IRAK2: variants seen among roughly 807,000 people sequenced by gnomAD.
The protein encoded by IRAK2 is interleukin 1 receptor associated kinase 2.
A neutral mutation model predicts 72.0 loss-of-function variants in IRAK2; 57 were observed. The observed-to-expected ratio is 0.79, with a 90% CI of 0.64 to 0.99. The LOEUF (loss-of-function observed/expected upper bound fraction) is 0.99. IRAK2 is among the 50% of genes least tolerant of loss of function. The pLI, the probability that IRAK2 is intolerant of heterozygous loss-of-function variation, is 0.00. For missense variants in IRAK2, 790 were observed against 794.4 expected (o/e 0.99, Z 0.07); for synonymous variants, 293 against 312.7 (o/e 0.94, Z 0.67).
chr3:10,169,129 G>A (rs895770229), intron 1 of IRAK2, among the ~76,000 whole-genome samples: 6 of 152,292 alleles, frequency 3.9e-5, no homozygotes, highest in Admixed American at 2.0e-4. Context: ...TTTCAAAAGG[G>A]GAGGGGTGTA....
At chr3:10,207,666 T>C (rs1697452089) in intron 3 of IRAK2, among the ~76,000 whole-genome samples, 1 of 152,116 alleles carries the variant, frequency 6.6e-6, no homozygotes, top group African/African-American at 2.4e-5. Flanking sequence ...AAACATTCCG[T>C]CTTGTGAATC....
intron 2 of IRAK2, among the ~76,000 whole-genome samples, chr3:10,187,998 G>A (rs995649524): frequency 6.6e-6 from 1 of 152,186 alleles, no homozygotes. Context: ...AGATGACCAG[G>A]CTTAGGAGGG....
intron 1 of IRAK2, among the ~76,000 whole-genome samples, chr3:10,167,816 T>C (rs1446845651): frequency 6.6e-6 from 1 of 152,200 alleles, no homozygotes; most frequent in Non-Finnish European, 1.5e-5. Flanking sequence ...TTTGGGCCAT[T>C]GTGAATAGTG....
At chr3:10,219,880 C>T (rs2125158788) in intron 8 of IRAK2, 91 bp downstream of exon 8, 1 of 800,992 alleles carries the variant, frequency 1.2e-6, no homozygotes, top group East Asian at 2.6e-5. Flanking sequence ...CCGCCACTCA[C>T]CCCTGTCCTC....
At chr3:10,218,638 T>C (rs1232078061) in intron 7 of IRAK2, among the ~76,000 whole-genome samples, 1 of 152,040 alleles carries the variant, frequency 6.6e-6, no homozygotes, top group African/African-American at 2.4e-5. Flanking sequence ...TCCAGCTTCT[T>C]TTAGAGAGAA....
chr3:10,228,912 A>T (rs1327137825), intron 10 of IRAK2, among the ~76,000 whole-genome samples: 2 of 151,882 alleles, frequency 1.3e-5, no homozygotes, highest in African/African-American at 4.8e-5. Flanking sequence ...GGAGAGGCAG[A>T]TGAACAAGGA....
intron 1 of IRAK2, among the ~76,000 whole-genome samples, chr3:10,171,033 CCA>C (rs1696786720): frequency 6.6e-6 from 1 of 152,230 alleles, no homozygotes; most frequent in African/African-American, 2.4e-5. Flanking sequence ...GATCCCGCAG[CCA>C]CAGACAGCCA....
intron 10 of IRAK2, among the ~76,000 whole-genome samples, chr3:10,234,073 G>T (rs572109126): frequency 6.0e-4 from 92 of 152,230 alleles, no homozygotes; most frequent in Non-Finnish European, 1.1e-3. Context: ...CTGTTGGCCA[G>T]GCTGGCTCGA....
intron 1 of IRAK2, among the ~76,000 whole-genome samples, chr3:10,172,038 C>T (rs532923521): frequency 6.6e-6 from 1 of 152,094 alleles, no homozygotes; most frequent in Non-Finnish European, 1.5e-5. Context: ...GAGTTCGAAA[C>T]CAGCCTGGCC....
chr3:10,219,748 G>C lies in IRAK2; in HGVS notation c.972G>C (p.Glu324Asp). 2 of 1,613,876 alleles carry C rather than the reference G, an allele frequency of 1.2e-6. No individual in the cohort carries two copies. The highest frequency in any genetic ancestry group is 8.5e-7 in the Non-Finnish European group (1 of 1,179,916). The change falls in exon 8 of 13, where the codon GAG becomes GAC. Residue 324 changes from glutamate to aspartate, a missense_variant. Coordinates refer to ENST00000256458, the MANE Select transcript of IRAK2 (RefSeq NM_001570.4). ...GCTCAGGGCTGCTCTGTGCCGTCGA[G>C]TACCTGCATGGTCTGGAGATCATCC... ...SICSGLLCAV[E>D]YLHGLEIIHS...
chr3:10,182,209 T>C (rs62238325), intron 2 of IRAK2, among the ~76,000 whole-genome samples: 9,284 of 151,944 alleles, frequency 0.061, 524 homozygotes, highest in African/African-American at 0.14. Flanking sequence ...CCCGAGGTGA[T>C]CCACCGGCCT....
chr3:10,191,205 G>C (rs1202820228), intron 2 of IRAK2, among the ~76,000 whole-genome samples: 1 of 151,714 alleles, frequency 6.6e-6, no homozygotes, highest in East Asian at 1.9e-4. Context: ...TGAGGCAGGA[G>C]AATTGCTTGA....
At chr3:10,228,973 C>G (rs1697820371) in intron 10 of IRAK2, among the ~76,000 whole-genome samples, 1 of 151,256 alleles carries the variant, frequency 6.6e-6, no homozygotes, top group Non-Finnish European at 1.5e-5. Context: ...CGCTCTGTTG[C>G]CCAGGCTGGA....
intron 12 of IRAK2, among the ~76,000 whole-genome samples, chr3:10,241,098 A>C (rs1698052613): frequency 6.6e-6 from 1 of 151,820 alleles, no homozygotes; most frequent in South Asian, 2.1e-4. Context: ...GGCTTCCTGC[A>C]AAGACAGAGG....
intron 4 of IRAK2, among the ~76,000 whole-genome samples, chr3:10,210,454 A>C (rs1199936589): frequency 6.6e-6 from 1 of 152,092 alleles, no homozygotes. Context: ...CATTTCTTTG[A>C]CTCTAAAAGT....
At chr3:10,175,627 C>T (rs1157929248) in intron 1 of IRAK2, among the ~76,000 whole-genome samples, 1 of 152,054 alleles carries the variant, frequency 6.6e-6, no homozygotes, top group African/African-American at 2.4e-5. Flanking sequence ...CGGTGGCTCA[C>T]GCCTGTAATC....
intron 2 of IRAK2, among the ~76,000 whole-genome samples, chr3:10,190,772 G>A (rs1043712053): frequency 3.9e-5 from 6 of 152,150 alleles, no homozygotes; most frequent in Non-Finnish European, 2.9e-5. Context: ...GTTATGCTGC[G>A]GTATCAGATA....
chr3:10,168,204 TTC>T (rs1380974738), intron 1 of IRAK2, among the ~76,000 whole-genome samples: 1 of 148,446 alleles, frequency 6.7e-6, no homozygotes, highest in Non-Finnish European at 1.5e-5. Flanking sequence ...TGTTATTTTT[TTC>T]TTTTTTTAAT....
At chr3:10,170,145 G>A (rs1314256931) in intron 1 of IRAK2, among the ~76,000 whole-genome samples, 1 of 152,180 alleles carries the variant, frequency 6.6e-6, no homozygotes, top group Non-Finnish European at 1.5e-5. Context: ...CCTGAGGCCT[G>A]CAGCATCCTG....
Sources: gnomAD v4.1 joint callset for allele counts (sites outside exome capture counted in the v4.1 genomes callset) on GRCh38, gnomAD v4.1.1 for gene constraint, MANE v1.5 for transcripts, NCBI Gene and HGNC (gene_info 2026-07-23, HGNC 2026-07-21) for gene names.